Variants in MTHFD1L observed in about 807,000 individuals in gnomAD.
MTHFD1L encodes the protein monofunctional C1-tetrahydrofolate synthase, mitochondrial.
A neutral mutation model predicts 119.5 loss-of-function variants in MTHFD1L; 81 were observed. That is an observed-to-expected ratio of 0.68 (90% CI 0.57 to 0.82). The LOEUF is 0.82. Ranked by LOEUF, MTHFD1L falls within the 40% of genes least tolerant of loss-of-function variation. MTHFD1L has a pLI of 0.00. For missense variants in MTHFD1L, 1,125 were observed against 1,253.4 expected (o/e 0.90, Z 1.55); for synonymous variants, 430 against 475.2 (o/e 0.90, Z 1.24).
intron 1 of MTHFD1L, chr6:150,866,463 G>A: frequency 7.6e-7 from 1 of 1,321,102 alleles, no homozygotes; most frequent in African/African-American, 1.5e-5. Context: ...CTGCGGCTCG[G>A]CGCGCCGGCT....
At chr6:150,995,158 G>A (rs1225800767) in intron 20 of MTHFD1L, among the ~76,000 whole-genome samples, 1 of 152,040 alleles carries the variant, frequency 6.6e-6, no homozygotes, top group Non-Finnish European at 1.5e-5. Flanking sequence ...TAGGGATGGG[G>A]GAGGGGTGGG....
intron 20 of MTHFD1L, among the ~76,000 whole-genome samples, chr6:150,995,378 G>A (rs1247658312): frequency 6.6e-6 from 1 of 151,894 alleles, no homozygotes; most frequent in Non-Finnish European, 1.5e-5. Flanking sequence ...GCCAGGCGTG[G>A]TGGCACATGC....
intron 18 of MTHFD1L, among the ~76,000 whole-genome samples, chr6:150,963,936 G>A (rs1796825914): frequency 6.6e-6 from 1 of 152,206 alleles, no homozygotes; most frequent in South Asian, 2.1e-4. Context: ...GAGAGGCCGA[G>A]GCAGGCAGAT....
intron 7 of MTHFD1L, among the ~76,000 whole-genome samples, chr6:150,889,821 T>A (rs1270962400): frequency 6.6e-6 from 1 of 152,210 alleles, no homozygotes; most frequent in African/African-American, 2.4e-5. Context: ...AGCAGTTTAA[T>A]GGAGTTTGAG....
intron 24 of MTHFD1L, among the ~76,000 whole-genome samples, chr6:151,025,059 T>G (rs1174552841): frequency 2.0e-5 from 3 of 152,246 alleles, no homozygotes; most frequent in African/African-American, 7.2e-5. Flanking sequence ...ATTACCCATG[T>G]GGATTTCTTA....
rs566922683 is a variant in MTHFD1L, at chr6:150,988,302, C to T, written c.2125+16244C>T. The stretch of plus-strand genomic sequence containing the variant: ...TTACGTTATATGATTGCTATCTTAC[C>T]CCATCTTAGCCAAGAGCATTCAGCC... On this transcript the variant is annotated intron_variant, in intron 20 of 27. Transcript: ENST00000367321. 6.6e-5 allele frequency among the ~76,000 whole-genome samples: 10 copies of T among 152,114 alleles called. No individual in the cohort carries two copies. The East Asian group carries it at 1.9e-3, about 29-fold the overall frequency.
chr6:150,893,167 A>C (rs1783621255), intron 7 of MTHFD1L, among the ~76,000 whole-genome samples: 1 of 152,064 alleles, frequency 6.6e-6, no homozygotes, highest in African/African-American at 2.4e-5. Context: ...TGGGTTCAAG[A>C]GATTCTCATG....
rs775926803 is a variant in MTHFD1L at position 151,092,541 on chromosome 6, TA to T, written c.2925del (p.Gly976AlafsTer32). 1.9e-6 allele frequency: 3 copies of T among 1,614,014 alleles called. No individual in the cohort carries two copies. The East Asian group carries it at 6.7e-5, about 36-fold the overall frequency. On this transcript the variant is annotated frameshift_variant, in exon 27 of 28. Transcript: ENST00000367321. LOFTEE classifies it high-confidence loss of function. Reference sequence around the variant, plus strand: ...ATCTTGATACCGAAACAGAACAAGTTAAAGGCTTGTTCTAAGTGGACAAGGC... The same window carrying T: ...ATCTTGATACCGAAACAGAACAAGTTAAGGCTTGTTCTAAGTGGACAAGGC... ...IDLDTETEQV[K>X]GLF
At chr6:150,900,706 G>A (rs1784966311) in intron 7 of MTHFD1L, among the ~76,000 whole-genome samples, 1 of 152,190 alleles carries the variant, frequency 6.6e-6, no homozygotes, top group African/African-American at 2.4e-5. Flanking sequence ...CAACCTGACA[G>A]CTTCTTTTCT....
chr6:151,037,731 C>T (rs1786400926), intron 26 of MTHFD1L, among the ~76,000 whole-genome samples: 1 of 152,150 alleles, frequency 6.6e-6, no homozygotes, highest in Non-Finnish European at 1.5e-5. Context: ...TATCAAAGTG[C>T]TTAAAATCCA....
At chr6:150,875,216 C>T (rs1780231207) in intron 1 of MTHFD1L, among the ~76,000 whole-genome samples, 1 of 152,058 alleles carries the variant, frequency 6.6e-6, no homozygotes, top group African/African-American at 2.4e-5. Context: ...CCATCACGCC[C>T]AGCTAAATTG....
chr6:150,927,861 A>AGTTC (rs1057412099), intron 11 of MTHFD1L, among the ~76,000 whole-genome samples: 32 of 152,122 alleles, frequency 2.1e-4, no homozygotes, highest in African/African-American at 7.7e-4. Flanking sequence ...TGGCACCTCT[A>AGTTC]GTTCCATCAA....
At chr6:150,980,667 C>A (rs1583931496) in intron 20 of MTHFD1L, among the ~76,000 whole-genome samples, 1 of 145,846 alleles carries the variant, frequency 6.9e-6, no homozygotes, top group Admixed American at 7.1e-5. Context: ...CAATTATGCC[C>A]AGCAGTTTAA....
intron 16 of MTHFD1L, among the ~76,000 whole-genome samples, chr6:150,953,111 A>G (rs1320705946): frequency 6.6e-6 from 1 of 152,112 alleles, no homozygotes; most frequent in Non-Finnish European, 1.5e-5. Context: ...CAGGGAATCA[A>G]CCATCAAGTG....
intron 26 of MTHFD1L, among the ~76,000 whole-genome samples, chr6:151,063,946 C>T (rs1039935682): frequency 1.3e-5 from 2 of 150,322 alleles, no homozygotes; most frequent in Admixed American, 6.6e-5. Context: ...ATGAGCATTT[C>T]TGGAAGTGCT....
At chr6:151,085,581 G>A (rs1229308694) in intron 26 of MTHFD1L, among the ~76,000 whole-genome samples, 1 of 152,140 alleles carries the variant, frequency 6.6e-6, no homozygotes, top group Admixed American at 6.5e-5. Context: ...GACCAGCCTG[G>A]CCAACATGGC....
At chr6:150,997,415 G>C (rs1376650400) in intron 20 of MTHFD1L, among the ~76,000 whole-genome samples, 4 of 152,162 alleles carry the variant, frequency 2.6e-5, no homozygotes, top group Non-Finnish European at 5.9e-5. Context: ...TGTGACAATG[G>C]GTCACGGGAT....
chr6:151,014,377 G>T (rs1782706599), intron 22 of MTHFD1L, among the ~76,000 whole-genome samples: 1 of 152,194 alleles, frequency 6.6e-6, no homozygotes, highest in African/African-American at 2.4e-5. Flanking sequence ...AAGGTCTCCA[G>T]GTCAGAAACA....
intron 27 of MTHFD1L, among the ~76,000 whole-genome samples, chr6:151,096,882 T>C (rs946138360): frequency 5.9e-5 from 9 of 152,324 alleles, no homozygotes; most frequent in African/African-American, 1.9e-4. Context: ...AACATCAGAA[T>C]TGGAGCTCTC....
Sources: allele counts gnomAD v4.1 joint callset (sites outside exome capture counted in the v4.1 genomes callset), GRCh38; gene constraint gnomAD v4.1.1; transcripts MANE v1.5; gene names NCBI Gene and HGNC (gene_info 2026-07-23, HGNC 2026-07-21).